HSD17B3: variants seen among roughly 807,000 people sequenced by gnomAD.
HSD17B3 encodes 17-beta-hydroxysteroid dehydrogenase type 3.
Under a neutral mutation model 41.1 loss-of-function variants are expected in HSD17B3, and 29 were observed. The ratio of observed to expected loss-of-function variants is 0.71; its 90% CI spans 0.53 to 0.96. The LOEUF is 0.96. Ranked by LOEUF, HSD17B3 falls within the 40% of genes least tolerant of loss-of-function variation. The pLI is 0.00. For missense variants in HSD17B3, 323 were observed against 374.6 expected, an observed-to-expected ratio of 0.86 and a Z score of 1.14; for synonymous variants, 126 against 145.6, an observed-to-expected ratio of 0.87 and a Z score of 0.97.
intron 6 of HSD17B3, 72 bp downstream of exon 6, chr9:96,249,679 A>G (rs973260361): frequency 7.2e-7 from 1 of 1,380,400 alleles, no homozygotes; most frequent in Admixed American, 1.7e-5. Flanking sequence ...GTGGATGGGC[A>G]CAATTCTCCT....
At chr9:96,241,959 G>T (rs1486994892) in intron 9 of HSD17B3, among the ~76,000 whole-genome samples, 1 of 6,380 alleles carries the variant, frequency 1.6e-4, no homozygotes, top group Admixed American at 1.8e-3. Flanking sequence ...GAAAAGAACA[G>T]AAAAAGAAAG....
rs407179 is a variant in HSD17B3 at position 96,249,995 on chromosome 9, C to T, written c.454-209G>A. The T allele has an allele frequency of 0.26, 381,734 of 1,459,970 alleles. 52,993 individuals are homozygous for T. Among genetic ancestry groups the T allele is most frequent in the African/African-American group, 0.39 (27,293 of 70,636 alleles). The allele number at this position is 1,459,970 out of a possible 1,614,324, so 90.4% of individuals were successfully genotyped here. ...GACTCCCATTCTGTCATTCTGTACC[C>T]ACGTCATCTTGACTAGACATCAATT... On this transcript the variant is annotated intron_variant, in intron 5 of 10. Coordinates refer to ENST00000375263, the MANE Select transcript of HSD17B3 (RefSeq NM_000197.2).
rs113145941 is a variant in HSD17B3 at position 96,287,750 on chromosome 9, GACA to G, written c.201+10663_201+10665del. Among the ~76,000 whole-genome samples, 23 of 151,342 alleles carry G rather than the reference GACA, an allele frequency of 1.5e-4. No homozygotes were observed. The East Asian group carries it at 3.5e-3, about 23-fold the overall frequency. On this transcript the variant is annotated intron_variant, in intron 2 of 10. Coordinates refer to ENST00000375263, the MANE Select transcript of HSD17B3 (RefSeq NM_000197.2). ...ATAAATAAATAAAATTTTTTAAAAA[GACA>G]ACTTTACCTTGCAACCCAGAGACTC...
At chr9:96,265,306 A>G (rs1265816729) in intron 2 of HSD17B3, among the ~76,000 whole-genome samples, 4 of 152,200 alleles carry the variant, frequency 2.6e-5, no homozygotes, top group African/African-American at 9.7e-5. Flanking sequence ...ATAAATCCCT[A>G]TTGCTTAAAT....
intron 2 of HSD17B3, among the ~76,000 whole-genome samples, chr9:96,273,427 C>T (rs1311495175): frequency 6.6e-6 from 1 of 152,216 alleles, no homozygotes; most frequent in Non-Finnish European, 1.5e-5. Flanking sequence ...CACACCTTGG[C>T]TCCAAAAGGA....
At chr9:96,271,144 T>C (rs985047584) in intron 2 of HSD17B3, among the ~76,000 whole-genome samples, 1 of 152,044 alleles carries the variant, frequency 6.6e-6, no homozygotes, top group Non-Finnish European at 1.5e-5. Flanking sequence ...AAATTCACCT[T>C]AGTGTTCATC....
At chr9:96,251,130 T>C in intron 5 of HSD17B3, 1 of 466,022 alleles carries the variant, frequency 2.1e-6, no homozygotes, top group Non-Finnish European at 3.9e-6. Context: ...GAATTACCCT[T>C]TATAAAGTAG....
chr9:96,284,277 G>A (rs1202364595), intron 2 of HSD17B3, among the ~76,000 whole-genome samples: 4 of 140,774 alleles, frequency 2.8e-5, no homozygotes, highest in Non-Finnish European at 6.2e-5. Context: ...TGCTTAAAAT[G>A]TTACTGTTTT....
chr9:96,287,708 T>A (rs1826979642), intron 2 of HSD17B3, among the ~76,000 whole-genome samples: 1 of 149,824 alleles, frequency 6.7e-6, no homozygotes, highest in Non-Finnish European at 1.5e-5. Flanking sequence ...AGACTCCGTC[T>A]CTAAATAAAT....
At chr9:96,250,116 G>T (rs1046041947) in intron 5 of HSD17B3, 179 of 1,314,944 alleles carry the variant, frequency 1.4e-4, no homozygotes, top group Admixed American at 6.4e-5. Context: ...AGGAAGAGGG[G>T]TTAGCCTATG....
chr9:96,277,789 T>C (rs1048665707), intron 2 of HSD17B3, among the ~76,000 whole-genome samples: 1 of 150,876 alleles, frequency 6.6e-6, no homozygotes, highest in Non-Finnish European at 1.5e-5. Flanking sequence ...AGCCAAGATA[T>C]GGAAGTAACC....
At position 96,245,331 on chromosome 9, in the gene HSD17B3, A is replaced by C; in HGVS notation, c.606+14T>G. Reference sequence around the variant, plus strand: ...GGAAGAAGGAAGAGACTTGGAAGTCATGACATCACTCACCTTGGAAGCTGA... The same window carrying C: ...GGAAGAAGGAAGAGACTTGGAAGTCCTGACATCACTCACCTTGGAAGCTGA... On this transcript the variant is annotated intron_variant, in intron 8 of 10. Coordinates refer to ENST00000375263, the MANE Select transcript of HSD17B3 (RefSeq NM_000197.2). 6.3e-7 allele frequency: 1 copy of C among 1,593,828 alleles called. No individual in the cohort carries two copies. Among genetic ancestry groups the C allele is most frequent in the South Asian group, 1.1e-5 (1 of 90,712 alleles).
At chr9:96,240,596 C>A (rs1836398949) in intron 10 of HSD17B3, among the ~76,000 whole-genome samples, 162 bp downstream of exon 10, 1 of 152,158 alleles carries the variant, frequency 6.6e-6, no homozygotes, top group Non-Finnish European at 1.5e-5. Context: ...GCTGAGCTCC[C>A]AGGCTCCGGC....
chr9:96,244,383 G>A lies in HSD17B3; in HGVS notation c.618C>T (p.Cys206=), dbSNP rs368690398. Residue 206 remains cysteine (C), a synonymous_variant, in exon 9 of 11, where the codon TGC becomes TGT. Coordinates refer to ENST00000375263, the MANE Select transcript of HSD17B3 (RefSeq NM_000197.2). ...SMYSASKAFV[C]AFSKALQEEY... ...CCTCTTGCAGGGCCTTGGAAAATGC[G>A]CACACAAACGCCTGGAGCAAGAAGG... is the stretch of plus-strand genomic sequence containing the variant. 6.4e-5 allele frequency: 103 copies of A among 1,613,952 alleles called. No individual in the cohort carries two copies. The highest frequency in any genetic ancestry group is 8.3e-5 in the Admixed American group (5 of 60,004).
intron 2 of HSD17B3, among the ~76,000 whole-genome samples, chr9:96,260,106 C>A (rs1423532643): frequency 6.6e-6 from 1 of 152,172 alleles, no homozygotes; most frequent in Non-Finnish European, 1.5e-5. Flanking sequence ...CCTGTCACTT[C>A]TGGTAGATAT....
rs550190557 is a variant in HSD17B3 at position 96,301,836 on chromosome 9, G to T, written c.154+115C>A. On this transcript the variant is annotated intron_variant, in intron 1 of 10. Coordinates refer to ENST00000375263, the MANE Select transcript of HSD17B3 (RefSeq NM_000197.2). ...GCGGAGGTTGCAGTGAGCCAAGATC[G>T]CGCCATTGCACTCCAGCCTGGGTGA... 2.7e-6 allele frequency: 3 copies of T among 1,130,074 alleles called. No homozygotes were observed. In the African/African-American group the frequency reaches 4.6e-5, roughly 17 times the overall value. 70.0% of individuals were successfully genotyped at this position (1,130,074 alleles called of 1,614,324 possible). A position where few individuals can be genotyped will look rare whatever the true frequency, so the allele number is the denominator to read the frequency against.
chr9:96,283,163 A>G (rs1468798334), intron 2 of HSD17B3, among the ~76,000 whole-genome samples: 5 of 151,096 alleles, frequency 3.3e-5, no homozygotes, highest in Non-Finnish European at 5.9e-5. Context: ...CCACCACCAT[A>G]CCCAGCTAAC....
intron 2 of HSD17B3, among the ~76,000 whole-genome samples, chr9:96,262,928 T>C (rs982564250): frequency 6.6e-6 from 1 of 152,234 alleles, no homozygotes; most frequent in African/African-American, 2.4e-5. Flanking sequence ...TCATATTTAT[T>C]GAGATTGCAG....
Position 96,235,417 on chromosome 9 carries a change from G to A in HSD17B3, c.*43C>T, listed in dbSNP as rs1475484125. The A allele has an allele frequency of 2.2e-6, 3 of 1,344,002 alleles. No individual in the cohort carries two copies. In the African/African-American group the frequency reaches 4.3e-5, roughly 19 times the overall value. The allele number at this position is 1,344,002 out of a possible 1,614,324, so 83.3% of individuals were successfully genotyped here. ...CCTCTGGTCCTCTTCAGCCAGCATGGGACTGGTGAGGAAAAGGTTGTGCTG... is the reference window on the plus strand; with the variant it reads ...CCTCTGGTCCTCTTCAGCCAGCATGAGACTGGTGAGGAAAAGGTTGTGCTG... On this transcript the variant is annotated 3_prime_UTR_variant, in exon 11 of 11. Coordinates refer to ENST00000375263, the MANE Select transcript of HSD17B3 (RefSeq NM_000197.2).
Sources: gnomAD v4.1 joint callset for allele counts (sites outside exome capture counted in the v4.1 genomes callset) on GRCh38, gnomAD v4.1.1 for gene constraint, MANE v1.5 for transcripts, NCBI Gene and HGNC (gene_info 2026-07-23, HGNC 2026-07-21) for gene names.